VTCN1: variants seen among roughly 807,000 people sequenced by gnomAD.
VTCN1 encodes the protein V-set domain-containing T-cell activation inhibitor 1.
Under a neutral mutation model 26.5 loss-of-function variants are expected in VTCN1, and 26 were observed. The ratio of observed to expected loss-of-function variants is 0.98; its 90% CI spans 0.72 to 1.36. The LOEUF (loss-of-function observed/expected upper bound fraction) is 1.36. Ranked by LOEUF, VTCN1 falls within the 40% of genes most tolerant of loss-of-function variation. The pLI, the probability that VTCN1 is intolerant of heterozygous loss-of-function variation, is 0.00. For missense variants in VTCN1, 298 were observed against 337.7 expected, an observed-to-expected ratio of 0.88 and a Z score of 0.92; for synonymous variants, 116 against 130.7, an observed-to-expected ratio of 0.89 and a Z score of 0.77.
At position 117,147,906 on chromosome 1, in the gene VTCN1, T is replaced by C. The variant is rs1651600667; in HGVS notation, c.725-124A>G. On this transcript the variant is annotated intron_variant, in intron 4 of 5. Coordinates refer to ENST00000369458, the MANE Select transcript of VTCN1 (RefSeq NM_024626.4). The surrounding 1 kb of genome is among the most constrained non-coding windows in gnomAD (Gnocchi z 4.6). ...AGTTGTTCCTAATTCAGGCAATTTT[T>C]TACCCCTTTGCCCACCTCTCCGTAA... 3.0e-6 allele frequency: 4 copies of C among 1,329,872 alleles called. No individual in the cohort carries two copies. Among genetic ancestry groups the C allele is most frequent in the Middle Eastern group, 2.0e-4 (1 of 5,112 alleles). 82.4% of individuals were successfully genotyped at this position (1,329,872 alleles called of 1,614,324 possible).
chr1:117,152,065 T>C (rs1451159284), intron 4 of VTCN1, among the ~76,000 whole-genome samples: 1 of 152,214 alleles, frequency 6.6e-6, no homozygotes, highest in East Asian at 1.9e-4. Flanking sequence ...ATTTGATTTT[T>C]GTTGTTGTTG....
At chr1:117,205,190 C>T (rs10754341) in intron 1 of VTCN1, among the ~76,000 whole-genome samples, 109,066 of 148,922 alleles carry the variant, frequency 0.73, 41,275 homozygotes, top group East Asian at 0.87. Flanking sequence ...GGGTCTCGCT[C>T]TATTACCCAG....
At chr1:117,190,593 A>AAAT (rs1648196419) in intron 1 of VTCN1, among the ~76,000 whole-genome samples, 1 of 152,136 alleles carries the variant, frequency 6.6e-6, no homozygotes. Flanking sequence ...TATCAGCCCT[A>AAAT]CTGACCAAAA....
rs570884822 is a variant in VTCN1 at position 117,147,667 on chromosome 1, C to A, written c.840G>T (p.Met280Ile). ...WALLPLSPYL[M>I]LK ...TTGTGGCCGAGGCACATTATTTTAG[C>A]ATCAGGTAAGGGCTGAGAGGCAGAA... The change falls in exon 5 of 6, where the codon ATG becomes ATT. Residue 280 changes from methionine to isoleucine, a missense_variant. Transcript: ENST00000369458. This position sits in a 1 kb window ranked among gnomAD's most constrained non-coding sequence, Gnocchi z 4.6. 1 of 1,612,956 alleles carries A rather than the reference C, an allele frequency of 6.2e-7. No individual in the cohort carries two copies. The highest frequency in any genetic ancestry group is 2.2e-5 in the East Asian group (1 of 44,848).
chr1:117,209,269 G>C lies in VTCN1; in HGVS notation c.32+1555C>G, dbSNP rs1415844316. Among the ~76,000 whole-genome samples, 3 of 152,328 alleles carry C rather than the reference G, an allele frequency of 2.0e-5. No homozygotes were observed. The East Asian group carries it at 5.8e-4, about 29-fold the overall frequency. ...TCCTCCAGCAAAACCAGTCAGACTG[G>C]ATGCAAAGCATTACGAGAGAGCCCA... On this transcript the variant is annotated intron_variant, in intron 1 of 5. Transcript: ENST00000369458.
At chr1:117,158,007 C>A (rs1652175646) in intron 2 of VTCN1, among the ~76,000 whole-genome samples, 1 of 152,230 alleles carries the variant, frequency 6.6e-6, no homozygotes, top group Non-Finnish European at 1.5e-5. Context: ...CATGCTGATG[C>A]AAGAGGTGGG....
At chr1:117,152,989 G>A (rs537409204) in intron 4 of VTCN1, 102 bp downstream of exon 4, 1 of 1,353,376 alleles carries the variant, frequency 7.4e-7, no homozygotes, top group East Asian at 2.4e-5. Flanking sequence ...GAGGACTCTA[G>A]AGATTTTTGT....
At position 117,205,021 on chromosome 1, in the gene VTCN1, TAC is replaced by T. The variant is rs529534879; in HGVS notation, c.32+5801_32+5802del. On this transcript the variant is annotated intron_variant, in intron 1 of 5. Transcript: ENST00000369458. ...GAAAGCATATATATATGCGTATATA[TAC>T]ACGTATATATATACGTGTCCTGTAT... Among the ~76,000 whole-genome samples the T allele has an allele frequency of 4.2e-3, 632 of 151,186 alleles. 3 individuals are homozygous for T. Among genetic ancestry groups the T allele is most frequent in the African/African-American group, 0.015 (606 of 41,082 alleles).
At chr1:117,151,483 G>A (rs528361201) in intron 4 of VTCN1, among the ~76,000 whole-genome samples, 1 of 152,136 alleles carries the variant, frequency 6.6e-6, no homozygotes, top group East Asian at 1.9e-4. Flanking sequence ...TGCTGCTGCT[G>A]GCTCCAGTGG....
At chr1:117,190,936 T>C (rs944766695) in intron 1 of VTCN1, among the ~76,000 whole-genome samples, 1 of 152,208 alleles carries the variant, frequency 6.6e-6, no homozygotes, top group Non-Finnish European at 1.5e-5. Context: ...TATGAAAGTC[T>C]ATTAATTGCC....
At position 117,154,302 on chromosome 1, in the gene VTCN1, C is replaced by T. The variant is rs547026342; in HGVS notation, c.446-933G>A. Among the ~76,000 whole-genome samples the T allele has an allele frequency of 5.3e-5, 8 of 152,254 alleles. No homozygotes were observed. The East Asian group carries it at 1.5e-3, about 29-fold the overall frequency. ...TTCTGTGCCAGTACTGTATTCCAGA[C>T]CTTATTTCATTTGATCCTCACAACA... is the stretch of plus-strand genomic sequence containing the variant. On this transcript the variant is annotated intron_variant, in intron 3 of 5. Transcript: ENST00000369458.
intron 1 of VTCN1, among the ~76,000 whole-genome samples, chr1:117,177,201 T>C (rs1260678862): frequency 6.6e-6 from 1 of 152,188 alleles, no homozygotes; most frequent in African/African-American, 2.4e-5. Flanking sequence ...AAGGAATTAT[T>C]TTAAATGCTA....
chr1:117,197,921 T>C (rs1380262442), intron 1 of VTCN1, among the ~76,000 whole-genome samples: 2 of 152,130 alleles, frequency 1.3e-5, no homozygotes, highest in Admixed American at 6.6e-5. Context: ...ATTTCCATCA[T>C]GAGAAAGCAA....
rs1249335950 is a variant in VTCN1, at chr1:117,210,897, G to C, written c.-42C>G. The stretch of plus-strand genomic sequence containing the variant: ...CAGCGTATCTGGGTACTGGCTGAGT[G>C]GAGCTGCCGCTGCCTTCCTTGGTGA... On this transcript the variant is annotated 5_prime_UTR_variant, in exon 1 of 6. Coordinates refer to ENST00000369458, the MANE Select transcript of VTCN1 (RefSeq NM_024626.4). 2 of 1,610,502 alleles carry C rather than the reference G, an allele frequency of 1.2e-6. No homozygotes were observed. Among genetic ancestry groups the C allele is most frequent in the African/African-American group, 2.7e-5 (2 of 74,986 alleles).
In VTCN1 at chr1:117,156,934, A is replaced by G. The variant is rs1652111921; in HGVS notation, c.98-13T>C. The G allele has an allele frequency of 6.2e-7, 1 of 1,614,024 alleles. No individual in the cohort carries two copies. On this transcript the variant is annotated splice_polypyrimidine_tract_variant and intron_variant, in intron 2 of 5. Transcript: ENST00000369458. ...ATGGAGTGTCTCCCTGCAGTTCAGG[A>G]AGCAAAGATCAATGCTAAGGGAAGC...
intron 1 of VTCN1, among the ~76,000 whole-genome samples, chr1:117,180,174 T>C (rs1167068076): frequency 2.0e-5 from 3 of 152,118 alleles, no homozygotes. Flanking sequence ...GGAGGGGGCA[T>C]GAGTATCAGG....
intron 1 of VTCN1, among the ~76,000 whole-genome samples, chr1:117,201,526 G>C (rs1286613017): frequency 3.3e-5 from 5 of 152,158 alleles, no homozygotes; most frequent in Non-Finnish European, 7.4e-5. Flanking sequence ...CTTGTTCCTA[G>C]GTTCTGAGCC....
intron 1 of VTCN1, among the ~76,000 whole-genome samples, chr1:117,205,507 C>T (rs556250267): frequency 2.6e-5 from 4 of 152,234 alleles, no homozygotes; most frequent in African/African-American, 7.2e-5. Context: ...TACTCCTGCA[C>T]TCATTCATCT....
At chr1:117,154,731 C>T (rs1186846551) in intron 3 of VTCN1, among the ~76,000 whole-genome samples, 3 of 139,932 alleles carry the variant, frequency 2.1e-5, no homozygotes, top group Admixed American at 8.0e-5. Flanking sequence ...TGCTGTGAGC[C>T]GAGATCGTGC....
Sources: allele counts gnomAD v4.1 joint callset (sites outside exome capture counted in the v4.1 genomes callset), GRCh38; gene constraint gnomAD v4.1.1; non-coding constraint Gnocchi (gnomAD v3.1); transcripts MANE v1.5; gene names NCBI Gene and HGNC (gene_info 2026-07-23, HGNC 2026-07-21).